Variants in CCDC62 observed in about 807,000 individuals in gnomAD.
CCDC62 encodes coiled-coil domain containing 62, also known as coiled-coil domain-containing protein 62.
A neutral mutation model predicts 80.8 loss-of-function variants in CCDC62; 72 were observed. That is an observed-to-expected ratio of 0.89 (90% CI 0.74 to 1.08). The LOEUF (loss-of-function observed/expected upper bound fraction) is 1.08. CCDC62 is among the 50% of genes least tolerant of loss of function. The pLI is 0.00. For synonymous variants in CCDC62, 286 were observed against 296.5 expected (o/e 0.96, Z 0.36); for missense variants, 704 against 809.4 (o/e 0.87, Z 1.58).
In CCDC62 at chr12:122,801,673, C is replaced by T. The variant is rs1380108012; in HGVS notation, c.1527C>T (p.Gly509=). The T allele has an allele frequency of 1.2e-6, 2 of 1,614,188 alleles. No homozygotes were observed. The highest frequency in any genetic ancestry group is 1.1e-5 in the South Asian group (1 of 91,072). Residue 509 remains glycine, a synonymous_variant, in exon 9 of 13, where the codon GGC becomes GGT. Transcript: ENST00000253079. ...QKNEACLGES[G]MCDSKCCHPS... is the part of the protein sequence containing the mutation. ...ATGAAGCCTGTCTGGGCGAAAGTGG[C>T]ATGTGTGACTCCAAGTGCTGCCACC... is the stretch of plus-strand genomic sequence containing the variant.
At chr12:122,787,898 G>C (rs774750289) in intron 4 of CCDC62, among the ~76,000 whole-genome samples, 3 of 152,168 alleles carry the variant, frequency 2.0e-5, no homozygotes, top group Middle Eastern at 3.2e-3. Context: ...ATTGACTGTC[G>C]TGGGTGTCCT....
chr12:122,779,580 G>C lies in CCDC62; in HGVS notation c.230-1584G>C, dbSNP rs558126441. On this transcript the variant is annotated intron_variant, in intron 2 of 12. Coordinates refer to ENST00000253079, the MANE Select transcript of CCDC62 (RefSeq NM_201435.5). ...CAGGGACCACATTTTGAGAAGCAAG[G>C]CTCTCAAGAAACTCTTGAAAATATG... 7.2e-5 allele frequency among the ~76,000 whole-genome samples: 11 copies of C among 152,258 alleles called. No individual in the cohort carries two copies. In the East Asian group the frequency reaches 2.1e-3, roughly 29 times the overall value.
rs528592514 is a variant in CCDC62 at position 122,800,737 on chromosome 12, T to A, written c.978-387T>A. 2.1e-3 allele frequency among the ~76,000 whole-genome samples: 311 copies of A among 146,632 alleles called. 2 individuals carry two copies. The highest frequency in any genetic ancestry group is 6.9e-3 in the African/African-American group (259 of 37,758). On this transcript the variant is annotated intron_variant, in intron 8 of 12. Coordinates refer to ENST00000253079, the MANE Select transcript of CCDC62 (RefSeq NM_201435.5). The stretch of plus-strand genomic sequence containing the variant: ...CCACTGCACCCGGCCTCAAAAAAAA[T>A]TTTTTTTAAGCATAAAATAGTTTAT...
At chr12:122,782,463 G>A (rs920007472) in intron 3 of CCDC62, among the ~76,000 whole-genome samples, 1 of 152,024 alleles carries the variant, frequency 6.6e-6, no homozygotes, top group Non-Finnish European at 1.5e-5. Context: ...CTAAATTATT[G>A]TGTGTTTTTT....
At chr12:122,792,701 T>C (rs1030243534) in intron 6 of CCDC62, among the ~76,000 whole-genome samples, 3 of 152,088 alleles carry the variant, frequency 2.0e-5, no homozygotes, top group Non-Finnish European at 4.4e-5. Context: ...ATATTTTTAG[T>C]AGAGACGGGG....
chr12:122,821,779 T>G (rs1281672634), intron 11 of CCDC62, among the ~76,000 whole-genome samples: 2 of 152,048 alleles, frequency 1.3e-5, no homozygotes, highest in Non-Finnish European at 2.9e-5. Context: ...CAAATAATAA[T>G]TGTATATATT....
At chr12:122,779,241 T>C (rs142384409) in intron 2 of CCDC62, among the ~76,000 whole-genome samples, 23 of 152,298 alleles carry the variant, frequency 1.5e-4, no homozygotes, top group African/African-American at 5.3e-4. Flanking sequence ...TGAGATACTA[T>C]TTTACCTTTA....
chr12:122,786,882 C>G (rs887178724), intron 4 of CCDC62, among the ~76,000 whole-genome samples: 1 of 151,916 alleles, frequency 6.6e-6, no homozygotes, highest in Admixed American at 6.6e-5. Context: ...ATGGCATGAA[C>G]CTGGGAGGCG....
chr12:122,801,239 C>G lies in CCDC62; in HGVS notation c.1093C>G (p.Gln365Glu), dbSNP rs1368435277. 1 of 1,613,930 alleles carries G rather than the reference C, an allele frequency of 6.2e-7. No homozygotes were observed. The highest frequency in any genetic ancestry group is 1.7e-5 in the Admixed American group (1 of 59,986). The change falls in exon 9 of 13, where the codon CAA becomes GAA. Residue 365 changes from glutamine (Q) to glutamate (E), a missense_variant. Coordinates refer to ENST00000253079, the MANE Select transcript of CCDC62 (RefSeq NM_201435.5). Reference protein sequence around the residue: ...DQKFEAMLVQQNRSDKSSCDE... With the variant: ...DQKFEAMLVQENRSDKSSCDE... ...GAAATTTGAAGCCATGTTGGTTCAG[C>G]AAAATAGGTCAGACAAGAGCTCTTG...
chr12:122,782,025 CAAAAA>C (rs370400310), intron 3 of CCDC62, among the ~76,000 whole-genome samples: 1 of 65,394 alleles, frequency 1.5e-5, no homozygotes. Flanking sequence ...GCCTGGGTGA[CAAAAA>C]AAAAAAAAAA....
chr12:122,801,770 A>G lies in CCDC62; in HGVS notation c.1624A>G (p.Lys542Glu). The change falls in exon 9 of 13, where the codon AAA (lysine) becomes GAA (glutamate). Residue 542 changes from lysine to glutamate, a missense_variant. By Grantham distance (56) the Lys-to-Glu change is moderately conservative. Coordinates refer to ENST00000253079, the MANE Select transcript of CCDC62 (RefSeq NM_201435.5). ...VEWMSIFKPS[K>E]MQRIVRLKSG... ...GTGGATGAGTATTTTCAAGCCTTCCAAAATGCAGAGAATTGTCCGCCTCAA... is the reference window on the plus strand; with the variant it reads ...GTGGATGAGTATTTTCAAGCCTTCCGAAATGCAGAGAATTGTCCGCCTCAA... 6.2e-7 allele frequency: 1 copy of G among 1,614,196 alleles called. No individual in the cohort carries two copies. The highest frequency in any genetic ancestry group is 1.1e-5 in the South Asian group (1 of 91,088).
In CCDC62 at chr12:122,797,283, TTAA is replaced by T. The variant is rs755951975; in HGVS notation, c.773-18_773-16del. 1.1e-5 allele frequency: 13 copies of T among 1,137,356 alleles called. No homozygotes were observed. The South Asian group carries it at 1.2e-4, about 11-fold the overall frequency. 70.5% of individuals were successfully genotyped at this position (1,137,356 alleles called of 1,614,324 possible). On this transcript the variant is annotated intron_variant, in intron 6 of 12. Coordinates refer to ENST00000253079, the MANE Select transcript of CCDC62 (RefSeq NM_201435.5). ...GTGTGGCTATAGCTGATGAAAAATG[TTAA>T]TAATACTTGTTCTTAAATAGTAGAG...
At chr12:122,805,547 C>T (rs1290619188) in intron 9 of CCDC62, among the ~76,000 whole-genome samples, 7 of 108,044 alleles carry the variant, frequency 6.5e-5, no homozygotes, top group African/African-American at 1.4e-4. Flanking sequence ...CGGAGTCTTG[C>T]TCTGTCGCCC....
At chr12:122,788,971 T>A (rs754775915) in intron 5 of CCDC62, 42 bp downstream of exon 5, 20 of 1,465,534 alleles carry the variant, frequency 1.4e-5, no homozygotes, top group Non-Finnish European at 1.8e-5. Context: ...TGTATTATCT[T>A]GGGAATATAG....
intron 3 of CCDC62, among the ~76,000 whole-genome samples, chr12:122,782,065 T>G (rs2135531014): frequency 6.9e-6 from 1 of 144,812 alleles, no homozygotes; most frequent in African/African-American, 2.6e-5. Flanking sequence ...CCAAGCACAG[T>G]GGTGTACGCC....
intron 10 of CCDC62, among the ~76,000 whole-genome samples, chr12:122,810,001 C>T (rs55650193): frequency 0.042 from 6,428 of 152,212 alleles, 186 homozygotes; most frequent in African/African-American, 0.08. Flanking sequence ...TTCCTTACAC[C>T]TTATATAAAA....
At chr12:122,802,495 C>G (rs1370846710) in intron 9 of CCDC62, among the ~76,000 whole-genome samples, 1 of 148,700 alleles carries the variant, frequency 6.7e-6, no homozygotes, top group Non-Finnish European at 1.5e-5. Context: ...CTCACTGAAA[C>G]CTCCGCCTCC....
intron 4 of CCDC62, among the ~76,000 whole-genome samples, 185 bp from the exon 5 acceptor site, chr12:122,788,573 C>T (rs1371051302): frequency 2.0e-5 from 3 of 152,158 alleles, no homozygotes; most frequent in Non-Finnish European, 4.4e-5. Context: ...TCTGTTGACT[C>T]ATCTGTCACT....
rs986835763 is a variant in CCDC62, at chr12:122,813,684, T to C, written c.2001+265T>C. ...TTCTTGGAGGGGGCGGGTACAGAGTTTTGCTCTTGTCGCCCAGGCTGAGGT... is the reference window on the plus strand; with the variant it reads ...TTCTTGGAGGGGGCGGGTACAGAGTCTTGCTCTTGTCGCCCAGGCTGAGGT... On this transcript the variant is annotated intron_variant, in intron 11 of 12. Transcript: ENST00000253079. Among the ~76,000 whole-genome samples the C allele has an allele frequency of 4.6e-5, 7 of 152,054 alleles. No individual in the cohort carries two copies. The East Asian group carries it at 1.4e-3, about 29-fold the overall frequency.
Sources: gnomAD v4.1 joint callset for allele counts (sites outside exome capture counted in the v4.1 genomes callset) on GRCh38, gnomAD v4.1.1 for gene constraint, MANE v1.5 for transcripts, NCBI Gene and HGNC (gene_info 2026-07-23, HGNC 2026-07-21) for gene names.